CTNNA2: variants seen among roughly 807,000 people sequenced by gnomAD.
The protein encoded by CTNNA2 is catenin alpha 2.
CTNNA2 carries 42 observed loss-of-function variants against 101.0 expected under a neutral mutation model. The observed-to-expected ratio is 0.42, with a 90% CI of 0.32 to 0.54. The LOEUF (loss-of-function observed/expected upper bound fraction) is 0.54, where lower values mean the gene tolerates loss of function less well. Among genes scored for constraint, CTNNA2 ranks in the 20% least tolerant of loss-of-function variants. The pLI is 0.14. For missense variants in CTNNA2, 871 were observed against 1,223.1 expected (o/e 0.71, Z 4.29); for synonymous variants, 450 against 456.4 (o/e 0.99, Z 0.18).
At chr2:80,119,218 T>C (rs1701696114) in intron 7 of CTNNA2, among the ~76,000 whole-genome samples, 1 of 152,200 alleles carries the variant, frequency 6.6e-6, no homozygotes, top group African/African-American at 2.4e-5. Context: ...AGGCCAACAA[T>C]ATTTGATAAG....
intron 2 of CTNNA2, among the ~76,000 whole-genome samples, chr2:79,660,189 T>C (rs1430325224): frequency 2.0e-5 from 3 of 150,764 alleles, no homozygotes; most frequent in Non-Finnish European, 4.4e-5. Context: ...TGTTTACAAA[T>C]ACAAATACTA....
intron 4 of CTNNA2, among the ~76,000 whole-genome samples, chr2:79,406,324 T>C (rs1024476184): frequency 2.8e-5 from 4 of 142,470 alleles, no homozygotes; most frequent in Non-Finnish European, 4.7e-5. Context: ...TCAGAAAGGA[T>C]ACATGTAGGA....
At chr2:80,381,136 C>T (rs1039838778) in intron 7 of CTNNA2, among the ~76,000 whole-genome samples, 1 of 151,850 alleles carries the variant, frequency 6.6e-6, no homozygotes, top group Non-Finnish European at 1.5e-5. Context: ...CTTGCACCTT[C>T]GTGTTCAGGA....
At chr2:79,323,168 A>C (rs1384710490) in intron 3 of CTNNA2, among the ~76,000 whole-genome samples, 1 of 152,152 alleles carries the variant, frequency 6.6e-6, no homozygotes, top group Non-Finnish European at 1.5e-5. Flanking sequence ...AGCAGGATCT[A>C]ACATCAGCCA....
intron 4 of CTNNA2, among the ~76,000 whole-genome samples, chr2:79,416,787 C>T (rs1439410047): frequency 6.6e-6 from 1 of 151,918 alleles, no homozygotes; most frequent in African/African-American, 2.4e-5. Context: ...ACATCCATGC[C>T]TAGGGAAATT....
intron 3 of CTNNA2, among the ~76,000 whole-genome samples, chr2:79,775,449 A>C (rs980529352): frequency 1.3e-5 from 2 of 152,230 alleles, no homozygotes; most frequent in Non-Finnish European, 2.9e-5. Flanking sequence ...TTGGAACTTA[A>C]ATAAGTTAAA....
chr2:80,349,835 C>T (rs1314378354), intron 7 of CTNNA2, among the ~76,000 whole-genome samples: 5 of 152,070 alleles, frequency 3.3e-5, no homozygotes, highest in Non-Finnish European at 5.9e-5. Context: ...TTCATTTTCT[C>T]TTCTCCCATC....
At chr2:80,520,845 C>G (rs1456180629) in intron 9 of CTNNA2, among the ~76,000 whole-genome samples, 1 of 152,136 alleles carries the variant, frequency 6.6e-6, no homozygotes, top group Non-Finnish European at 1.5e-5. Context: ...TAGGATTGGC[C>G]TACACTGCCA....
chr2:79,953,918 C>T (rs543934920), intron 7 of CTNNA2, among the ~76,000 whole-genome samples: 17 of 152,318 alleles, frequency 1.1e-4, no homozygotes, highest in South Asian at 2.1e-4. Flanking sequence ...ACTTAGTTTA[C>T]ACTTCCAGAA....
Position 80,038,860 on chromosome 2 carries a change from TAATAA to T in CTNNA2, c.1056+129074_1056+129078del, listed in dbSNP as rs372214326. Reference sequence around the variant, plus strand: ...TGAGACTCTGTCTCAAAAAATAAAATAATAAAATAAAATAAGATAAAATGTGAATT... The same window carrying T: ...TGAGACTCTGTCTCAAAAAATAAAATAATAAAATAAGATAAAATGTGAATT... On this transcript the variant is annotated intron_variant, in intron 7 of 18. Coordinates refer to ENST00000402739, the MANE Select transcript of CTNNA2 (RefSeq NM_001282597.3). Among the ~76,000 whole-genome samples the T allele has an allele frequency of 4.5e-3, 685 of 152,048 alleles. 7 individuals are homozygous for T. Among genetic ancestry groups the T allele is most frequent in the African/African-American group, 0.015 (633 of 41,474 alleles).
At chr2:80,331,382 G>A (rs1671319582) in intron 7 of CTNNA2, among the ~76,000 whole-genome samples, 1 of 152,218 alleles carries the variant, frequency 6.6e-6, no homozygotes. Flanking sequence ...TCAGCCTGGT[G>A]TGTTTGACAT....
At chr2:80,183,477 T>A (rs1705920160) in intron 7 of CTNNA2, among the ~76,000 whole-genome samples, 1 of 152,324 alleles carries the variant, frequency 6.6e-6, no homozygotes, top group East Asian at 1.9e-4. Flanking sequence ...TTTCCTAATA[T>A]TCCTCTTTGA....
chr2:79,528,589 A>G (rs1672558837), intron 1 of CTNNA2, among the ~76,000 whole-genome samples: 1 of 152,156 alleles, frequency 6.6e-6, no homozygotes, highest in Admixed American at 6.6e-5. Flanking sequence ...AAGGCAAACA[A>G]ATCAAATAAT....
chr2:80,647,498 A>T (rs77229391), intron 18 of CTNNA2, 87 bp from the exon 19 acceptor site: 21,878 of 1,155,320 alleles, frequency 0.019, 803 homozygotes, highest in South Asian at 0.12. Flanking sequence ...CAAGGAAAAC[A>T]TTATTTTAAC....
rs564725733 is a variant in CTNNA2, at chr2:79,517,535, AT to A, written c.-6+4334del. Among the ~76,000 whole-genome samples, 313 of 152,240 alleles carry A rather than the reference AT, an allele frequency of 2.1e-3. 3 individuals carry two copies. The highest frequency in any genetic ancestry group is 1.7e-3 in the Non-Finnish European group (118 of 67,972). On this transcript the variant is annotated intron_variant, in intron 1 of 18. Coordinates refer to ENST00000402739, the MANE Select transcript of CTNNA2 (RefSeq NM_001282597.3). ...ACAGACCATAGACTGTAGTAGTTTT[AT>A]TTTTTATGTTGAGATCTTTCTTAAT...
At chr2:80,637,317 A>G (rs1672984039) in intron 18 of CTNNA2, among the ~76,000 whole-genome samples, 1 of 152,202 alleles carries the variant, frequency 6.6e-6, no homozygotes, top group African/African-American at 2.4e-5. Context: ...TTTTAATTTT[A>G]AAGAACTTTT....
intron 1 of CTNNA2, among the ~76,000 whole-genome samples, chr2:79,643,592 C>G (rs1680600539): frequency 6.6e-6 from 1 of 152,084 alleles, no homozygotes; most frequent in Non-Finnish European, 1.5e-5. Context: ...AAAAAGTTAC[C>G]ACAAACTTAG....
At chr2:79,795,340 A>G (rs1296871171) in intron 3 of CTNNA2, among the ~76,000 whole-genome samples, 1 of 152,174 alleles carries the variant, frequency 6.6e-6, no homozygotes, top group African/African-American at 2.4e-5. Context: ...AGATTTAAAA[A>G]TATAATAGTA....
intron 3 of CTNNA2, among the ~76,000 whole-genome samples, chr2:79,771,663 C>G (rs1259719356): frequency 3.9e-5 from 6 of 152,200 alleles, no homozygotes; most frequent in African/African-American, 1.4e-4. Flanking sequence ...AATGCCACCA[C>G]TGATCTGACA....
Sources: allele counts gnomAD v4.1 joint callset (sites outside exome capture counted in the v4.1 genomes callset), GRCh38; gene constraint gnomAD v4.1.1; transcripts MANE v1.5; gene names NCBI Gene and HGNC (gene_info 2026-07-23, HGNC 2026-07-21).